EPHA7: variants seen among roughly 807,000 people sequenced by gnomAD.
The protein encoded by EPHA7 is ephrin type-A receptor 7.
EPHA7 carries 25 observed loss-of-function variants against 112.6 expected under a neutral mutation model. The ratio of observed to expected loss-of-function variants is 0.22; its 90% CI spans 0.16 to 0.31. EPHA7 has a LOEUF of 0.31. Among genes scored for constraint, EPHA7 ranks in the 10% least tolerant of loss-of-function variants. The probability of loss-of-function intolerance (pLI) is 1.00; values close to 1 mark genes in which losing one functional copy is unlikely to be tolerated. For synonymous variants in EPHA7, 437 were observed against 406.5 expected (o/e 1.07, Z -0.90); for missense variants, 962 against 1,212.6 (o/e 0.79, Z 3.07).
intron 5 of EPHA7, among the ~76,000 whole-genome samples, chr6:93,338,660 A>G (rs1582550181): frequency 6.6e-6 from 1 of 151,904 alleles, no homozygotes; most frequent in East Asian, 1.9e-4. Context: ...TCATTCTTTT[A>G]TTTGTTTAAT....
intron 3 of EPHA7, among the ~76,000 whole-genome samples, chr6:93,365,434 C>A (rs923559262): frequency 1.3e-5 from 2 of 152,120 alleles, no homozygotes; most frequent in African/African-American, 2.4e-5. Context: ...ATATTTGTGT[C>A]ATATTAATAT....
At chr6:93,404,287 GAC>G (rs1388145720) in intron 3 of EPHA7, among the ~76,000 whole-genome samples, 1 of 151,946 alleles carries the variant, frequency 6.6e-6, no homozygotes, top group African/African-American at 2.4e-5. Flanking sequence ...GAAAGGTAGA[GAC>G]ACATATTTCG....
At position 93,419,266 on chromosome 6, in the gene EPHA7, C is replaced by G. The variant is rs1401739411; in HGVS notation, c.76G>C (p.Glu26Gln). 2 of 1,613,920 alleles carry G rather than the reference C, an allele frequency of 1.2e-6. No individual in the cohort carries two copies. Among genetic ancestry groups the G allele is most frequent in the South Asian group, 2.2e-5 (2 of 91,072 alleles). The change falls in exon 1 of 17, where the codon GAG (glutamate) becomes CAG (glutamine). Residue 26 changes from glutamate (E) to glutamine (Q), a missense_variant. Coordinates refer to ENST00000369303, the MANE Select transcript of EPHA7 (RefSeq NM_004440.4). ...TTACCTTCCTTCGCAGCCTGCGCCT[C>G]CCCTGTGTGTGCAAAGCGGAGCAGC... is the stretch of plus-strand genomic sequence containing the variant. Reference protein sequence around the residue: ...IWLLRFAHTGEAQAAKEVLLL... With the variant: ...IWLLRFAHTGQAQAAKEVLLL...
At chr6:93,414,898 A>G (rs1779151091) in intron 1 of EPHA7, 131 bp from the exon 2 acceptor site, 2 of 683,988 alleles carry the variant, frequency 2.9e-6, no homozygotes, top group African/African-American at 1.8e-5. Context: ...ATGTAAATCA[A>G]TGGTGAAATG....
chr6:93,260,127 T>C (rs1770620346), intron 9 of EPHA7, among the ~76,000 whole-genome samples: 1 of 152,000 alleles, frequency 6.6e-6, no homozygotes, highest in South Asian at 2.1e-4. Flanking sequence ...CAGAGTAAAG[T>C]TAGAAAATTT....
intron 1 of EPHA7, among the ~76,000 whole-genome samples, chr6:93,415,262 G>A (rs1054118609): frequency 4.6e-5 from 7 of 151,874 alleles, no homozygotes; most frequent in Admixed American, 2.0e-4. Flanking sequence ...ATACAGTGTC[G>A]TTAAGCTAAA....
At chr6:93,278,982 C>T (rs1771601396) in intron 5 of EPHA7, among the ~76,000 whole-genome samples, 1 of 152,012 alleles carries the variant, frequency 6.6e-6, no homozygotes, top group Admixed American at 6.6e-5. Context: ...GATCAAAAGA[C>T]CCATAGGGAT....
chr6:93,414,724 C>A lies in EPHA7; in HGVS notation c.141G>T (p.Trp47Cys). The A allele has an allele frequency of 6.2e-7, 1 of 1,612,422 alleles. No homozygotes were observed. Among genetic ancestry groups the A allele is most frequent in the Non-Finnish European group, 8.5e-7 (1 of 1,179,036 alleles). ...TTACCCCATTGGGTGGAGAGGAAAT[C>A]CACTCCAACTCTGTTTGTTGTGCTT... ...DSKAQQTELEWISSPPNGWEE... is the reference protein window; with the variant it reads ...DSKAQQTELECISSPPNGWEE... Residue 47 changes from tryptophan (W) to cysteine (C), a missense_variant, in exon 2 of 17, where the codon TGG (tryptophan) becomes TGT (cysteine). Coordinates refer to ENST00000369303, the MANE Select transcript of EPHA7 (RefSeq NM_004440.4).
chr6:93,336,466 G>A (rs974769593), intron 5 of EPHA7, among the ~76,000 whole-genome samples: 1 of 152,114 alleles, frequency 6.6e-6, no homozygotes, highest in East Asian at 1.9e-4. Flanking sequence ...GCAGTGGCAC[G>A]ATCTTGGCTC....
chr6:93,322,006 G>C (rs569649509), intron 5 of EPHA7, among the ~76,000 whole-genome samples: 1 of 151,522 alleles, frequency 6.6e-6, no homozygotes, highest in Admixed American at 6.6e-5. Flanking sequence ...TACTACTTAC[G>C]TTATAGAGCA....
At chr6:93,369,301 A>G (rs192017599) in intron 3 of EPHA7, among the ~76,000 whole-genome samples, 2 of 152,172 alleles carry the variant, frequency 1.3e-5, no homozygotes, top group East Asian at 3.9e-4. Context: ...CATAAGAGAA[A>G]ACCAGTTAAT....
In EPHA7 at chr6:93,259,464, G is replaced by C; in HGVS notation, c.1814C>G (p.Thr605Ser). The change falls in exon 10 of 17, where the codon ACC (threonine) becomes AGC (serine). Residue 605 changes from threonine (T) to serine (S), a missense_variant. By Grantham distance (58) the Thr-to-Ser change is moderately conservative. Coordinates refer to ENST00000369303, the MANE Select transcript of EPHA7 (RefSeq NM_004440.4). ...ELYFHFKFPGTKTYIDPETYE... is the reference protein window; with the variant it reads ...ELYFHFKFPGSKTYIDPETYE... ...GGTTTCAGGGTCAATGTAGGTTTTGGTGCCTGGAAATTTAACTGTAATGAT... is the reference window on the plus strand; with the variant it reads ...GGTTTCAGGGTCAATGTAGGTTTTGCTGCCTGGAAATTTAACTGTAATGAT... The C allele has an allele frequency of 6.2e-7, 1 of 1,611,554 alleles. No individual in the cohort carries two copies. The highest frequency in any genetic ancestry group is 8.5e-7 in the Non-Finnish European group (1 of 1,178,126).
chr6:93,387,287 T>C (rs1052822877), intron 3 of EPHA7, among the ~76,000 whole-genome samples: 1 of 152,130 alleles, frequency 6.6e-6, no homozygotes. Flanking sequence ...TGCTACAGCA[T>C]AGCAAAAGTC....
At chr6:93,406,375 G>A (rs1347717046) in intron 3 of EPHA7, among the ~76,000 whole-genome samples, 1 of 151,560 alleles carries the variant, frequency 6.6e-6, no homozygotes, top group Non-Finnish European at 1.5e-5. Context: ...AAGAAGCAGT[G>A]TTAATTAAAA....
intron 5 of EPHA7, among the ~76,000 whole-genome samples, chr6:93,324,423 A>C (rs2127889985): frequency 6.6e-6 from 1 of 151,428 alleles, no homozygotes; most frequent in South Asian, 2.1e-4. Flanking sequence ...TCATCTATAA[A>C]CCGTTATTAG....
At chr6:93,307,233 C>A (rs1320996329) in intron 5 of EPHA7, among the ~76,000 whole-genome samples, 7 of 150,940 alleles carry the variant, frequency 4.6e-5, no homozygotes, top group African/African-American at 1.7e-4. Flanking sequence ...ATATGTGGTA[C>A]CAAAAAGAAA....
intron 5 of EPHA7, among the ~76,000 whole-genome samples, chr6:93,316,906 G>A (rs1773841914): frequency 6.6e-6 from 1 of 152,114 alleles, no homozygotes; most frequent in Non-Finnish European, 1.5e-5. Context: ...AAGCCAGTTG[G>A]AAAATAATAA....
intron 5 of EPHA7, among the ~76,000 whole-genome samples, chr6:93,290,399 T>C (rs1772299494): frequency 6.6e-6 from 1 of 152,134 alleles, no homozygotes; most frequent in Admixed American, 6.5e-5. Context: ...GAATTCTATA[T>C]ATAATAATTG....
chr6:93,390,189 G>T (rs1002297060), intron 3 of EPHA7, among the ~76,000 whole-genome samples: 2 of 149,612 alleles, frequency 1.3e-5, no homozygotes, highest in African/African-American at 4.9e-5. Context: ...CTACAATGTG[G>T]AATATTCTAA....
Sources: allele counts gnomAD v4.1 joint callset (sites outside exome capture counted in the v4.1 genomes callset), GRCh38; gene constraint gnomAD v4.1.1; transcripts MANE v1.5; gene names NCBI Gene and HGNC (gene_info 2026-07-23, HGNC 2026-07-21).